The following TTC28 variants were observed in gnomAD, a reference collection of about 807,000 sequenced individuals.
TTC28 encodes tetratricopeptide repeat protein 28.
In TTC28, 61 loss-of-function variants were observed where a neutral mutation model predicts 198.0. The observed-to-expected ratio is 0.31, with a 90% CI of 0.25 to 0.38. The LOEUF is 0.38. Among genes scored for constraint, TTC28 ranks in the 10% least tolerant of loss-of-function variants. The probability of loss-of-function intolerance (pLI) is 1.00; values close to 1 mark genes in which losing one functional copy is unlikely to be tolerated. For missense variants in TTC28, 2,678 were observed against 3,164.0 expected (o/e 0.85, Z 3.69); for synonymous variants, 1,171 against 1,297.8 (o/e 0.90, Z 2.10).
intron 2 of TTC28, among the ~76,000 whole-genome samples, chr22:28,494,788 G>C (rs980656589): frequency 1.3e-5 from 2 of 151,892 alleles, no homozygotes; most frequent in African/African-American, 4.8e-5. Flanking sequence ...AGAGGAGGAG[G>C]AAAGGAAGGG....
At chr22:28,146,399 G>A (rs1042734222) in intron 6 of TTC28, among the ~76,000 whole-genome samples, 3 of 152,164 alleles carry the variant, frequency 2.0e-5, no homozygotes, top group East Asian at 1.9e-4. Context: ...CTTCACTGAC[G>A]AACTGACACA....
intron 2 of TTC28, among the ~76,000 whole-genome samples, chr22:28,592,391 C>G (rs2050450113): frequency 6.6e-6 from 1 of 151,988 alleles, no homozygotes; most frequent in Admixed American, 6.6e-5. Flanking sequence ...TGGCTAATAC[C>G]TATAATCCTA....
rs562544774 is a variant in TTC28, at chr22:28,301,802, C to T, written c.530-3950G>A. Among the ~76,000 whole-genome samples the T allele has an allele frequency of 4.6e-5, 7 of 152,194 alleles. No individual in the cohort carries two copies. In the East Asian group the frequency reaches 1.4e-3, roughly 29 times the overall value. On this transcript the variant is annotated intron_variant, in intron 3 of 22. Transcript: ENST00000397906. ...GTGGCTCACACCTGTAATCCCAGCA[C>T]TTTGGGAGCCAAGGCCAATGGCCCA...
intron 5 of TTC28, among the ~76,000 whole-genome samples, chr22:28,182,224 G>A (rs1180607294): frequency 1.3e-5 from 2 of 152,100 alleles, no homozygotes; most frequent in Non-Finnish European, 2.9e-5. Flanking sequence ...GTTTCCTATG[G>A]AATAATTTGA....
chr22:28,654,981 T>A lies in TTC28; in HGVS notation c.102+24641A>T, dbSNP rs1198162850. 2.0e-5 allele frequency among the ~76,000 whole-genome samples: 3 copies of A among 152,244 alleles called. No homozygotes were observed. The South Asian group carries it at 6.2e-4, about 32-fold the overall frequency. On this transcript the variant is annotated intron_variant, in intron 1 of 22. Transcript: ENST00000397906. ...TTAATGAATACTAGGACTATATTCT[T>A]TAGCTTTTTAGAGATTAAATATGGT...
At chr22:28,523,556 C>A (rs2048948971) in intron 2 of TTC28, among the ~76,000 whole-genome samples, 1 of 152,160 alleles carries the variant, frequency 6.6e-6, no homozygotes, top group African/African-American at 2.4e-5. Flanking sequence ...GAGGAAAAAA[C>A]CAGTATCTGA....
chr22:28,323,652 T>C (rs769733790), intron 2 of TTC28, among the ~76,000 whole-genome samples: 8 of 151,928 alleles, frequency 5.3e-5, no homozygotes, highest in Non-Finnish European at 1.0e-4. Context: ...AATCTAAGAG[T>C]TATTAGCCTT....
At chr22:27,996,372 C>G in intron 16 of TTC28, 113 bp from the exon 17 acceptor site, 1 of 1,446,964 alleles carries the variant, frequency 6.9e-7, no homozygotes, top group East Asian at 2.5e-5. Flanking sequence ...AGAGCAGGGC[C>G]TGGCAGGGGA....
chr22:28,135,326 A>G (rs770920713), intron 6 of TTC28, among the ~76,000 whole-genome samples: 9 of 152,240 alleles, frequency 5.9e-5, no homozygotes, highest in Non-Finnish European at 1.2e-4. Context: ...TATTTATATT[A>G]TAATAGGATT....
At chr22:28,128,009 A>G (rs1453570931) in intron 6 of TTC28, among the ~76,000 whole-genome samples, 2 of 151,712 alleles carry the variant, frequency 1.3e-5, no homozygotes, top group Admixed American at 6.6e-5. Context: ...AACTACAGGT[A>G]TGAACCACTG....
chr22:28,411,495 AAAG>A (rs2047081022), intron 2 of TTC28, among the ~76,000 whole-genome samples: 2 of 152,242 alleles, frequency 1.3e-5, no homozygotes, highest in Non-Finnish European at 1.5e-5. Flanking sequence ...GAGGTTCTGC[AAAG>A]AAGATCTGAA....
In TTC28 at chr22:28,240,460, T is replaced by C. The variant is rs147371787; in HGVS notation, c.933+55738A>G. On this transcript the variant is annotated intron_variant, in intron 5 of 22. Coordinates refer to ENST00000397906, the MANE Select transcript of TTC28 (RefSeq NM_001145418.2). Reference sequence around the variant, plus strand: ...GCTACAGATATATGTATATAAATGGTGTATACATACATGTATATATAAACA... The same window carrying C: ...GCTACAGATATATGTATATAAATGGCGTATACATACATGTATATATAAACA... Among the ~76,000 whole-genome samples the C allele has an allele frequency of 3.2e-3, 492 of 152,278 alleles. 1 individual carries two copies. Among genetic ancestry groups the C allele is most frequent in the African/African-American group, 0.011 (438 of 41,560 alleles).
intron 2 of TTC28, among the ~76,000 whole-genome samples, chr22:28,410,002 A>G (rs919194624): frequency 6.6e-6 from 1 of 151,708 alleles, no homozygotes; most frequent in Non-Finnish European, 1.5e-5. Flanking sequence ...GTTCACTGCA[A>G]TCTCCACCTC....
At chr22:27,991,469 A>ACT (rs1216671486) in intron 19 of TTC28, among the ~76,000 whole-genome samples, 1 of 152,232 alleles carries the variant, frequency 6.6e-6, no homozygotes, top group East Asian at 1.9e-4. Context: ...GGGACAGGTC[A>ACT]CTGTTGGTTC....
chr22:28,530,112 G>A (rs895700428), intron 2 of TTC28, among the ~76,000 whole-genome samples: 10 of 152,104 alleles, frequency 6.6e-5, no homozygotes, highest in African/African-American at 2.4e-4. Context: ...AAACTTCTCC[G>A]AGCTAAAGGA....
intron 2 of TTC28, among the ~76,000 whole-genome samples, chr22:28,471,482 A>G (rs925446687): frequency 1.2e-4 from 19 of 152,206 alleles, no homozygotes; most frequent in Admixed American, 5.2e-4. Flanking sequence ...TAAACTAGGA[A>G]GAGCTTGTAT....
In TTC28 at chr22:28,548,357, A is replaced by C. The variant is rs777452657; in HGVS notation, c.381+81195T>G. Among the ~76,000 whole-genome samples, 70 of 152,360 alleles carry C rather than the reference A, an allele frequency of 4.6e-4. 1 individual carries two copies. The highest frequency in any genetic ancestry group is 2.5e-4 in the Non-Finnish European group (17 of 68,028). On this transcript the variant is annotated intron_variant, in intron 2 of 22. Coordinates refer to ENST00000397906, the MANE Select transcript of TTC28 (RefSeq NM_001145418.2). ...GTGTTGAGGAAGTATGAGGTAGGGT[A>C]AGCGGAGAGACCTTCCAGCCCAGTA...
chr22:28,642,942 A>C lies in TTC28; in HGVS notation c.103-13112T>G, dbSNP rs564332998. On this transcript the variant is annotated intron_variant, in intron 1 of 22. Transcript: ENST00000397906. ...GTGGCTACCAGATTGGAGAGTGCAG[A>C]TAGAGAACATTTTTTATTCTTATTT... 4.6e-5 allele frequency: 7 copies of C among 152,300 alleles called. No individual in the cohort carries two copies. In the East Asian group the frequency reaches 1.2e-3, roughly 25 times the overall value. The allele number at this position is 152,300 out of a possible 1,614,324, so 9.4% of individuals were successfully genotyped here. A position where few individuals can be genotyped will look rare whatever the true frequency, so the allele number is the denominator to read the frequency against.
chr22:28,059,517 T>C (rs955831596), intron 12 of TTC28, among the ~76,000 whole-genome samples: 1 of 152,064 alleles, frequency 6.6e-6, no homozygotes, highest in African/African-American at 2.4e-5. Context: ...GGATATGATG[T>C]TCTATAACTA....
Sources: gnomAD v4.1 joint callset for allele counts (sites outside exome capture counted in the v4.1 genomes callset) on GRCh38, gnomAD v4.1.1 for gene constraint, MANE v1.5 for transcripts, NCBI Gene and HGNC (gene_info 2026-07-23, HGNC 2026-07-21) for gene names.